CPA5: variants seen among roughly 807,000 people sequenced by gnomAD.
CPA5 encodes testicular tissue protein Li 32.
In CPA5, 38 loss-of-function variants were observed where a neutral mutation model predicts 52.2. That is an observed-to-expected ratio of 0.73 (90% CI 0.56 to 0.95). The LOEUF is 0.95. Ranked by LOEUF, CPA5 falls within the 40% of genes least tolerant of loss-of-function variation. The pLI, the probability that CPA5 is intolerant of heterozygous loss-of-function variation, is 0.00. For synonymous variants in CPA5, 198 were observed against 213.7 expected (o/e 0.93, Z 0.64); for missense variants, 519 against 566.7 (o/e 0.92, Z 0.86).
intron 7 of CPA5, among the ~76,000 whole-genome samples, 196 bp downstream of exon 7, chr7:130,361,440 T>G (rs576110896): frequency 1.3e-5 from 2 of 152,222 alleles, no homozygotes; most frequent in Admixed American, 1.3e-4. Flanking sequence ...GGTGACAGTG[T>G]GGTGACCTAG....
At chr7:130,371,374 G>C (rs1297678768), downstream of CPA5, among the ~76,000 whole-genome samples, 1 of 152,214 alleles carries the variant, frequency 6.6e-6, no homozygotes, top group Non-Finnish European at 1.5e-5. Flanking sequence ...AAGGCACACA[G>C]GTCCTGAGTG....
At chr7:130,358,748 T>C (rs922633586) in intron 5 of CPA5, among the ~76,000 whole-genome samples, 3 of 152,166 alleles carry the variant, frequency 2.0e-5, no homozygotes, top group African/African-American at 7.2e-5. Flanking sequence ...TGAAGGACAC[T>C]AGCTCATCTC....
intron 5 of CPA5, among the ~76,000 whole-genome samples, chr7:130,359,202 T>C (rs985429702): frequency 6.6e-5 from 10 of 152,292 alleles, no homozygotes; most frequent in African/African-American, 1.2e-4. Context: ...GCACCTTTTT[T>C]CCCCCAAAAA....
intron 8 of CPA5, 44 bp downstream of exon 8, chr7:130,362,583 G>GC (rs1195232947): frequency 1.5e-6 from 2 of 1,374,226 alleles, no homozygotes; most frequent in African/African-American, 2.8e-5. Flanking sequence ...GATGGGGGCT[G>GC]CAACTGGGGG....
intron 10 of CPA5, among the ~76,000 whole-genome samples, chr7:130,366,732 C>A (rs1554408513): frequency 6.6e-6 from 1 of 152,218 alleles, no homozygotes; most frequent in Non-Finnish European, 1.5e-5. Flanking sequence ...TCAGCTGACA[C>A]CGAGTCTGAG....
chr7:130,357,717 C>T (rs573205882), intron 5 of CPA5, among the ~76,000 whole-genome samples: 14 of 151,844 alleles, frequency 9.2e-5, no homozygotes, highest in Non-Finnish European at 2.1e-4. Context: ...AATCTGCCTT[C>T]TTCTATCTTA....
At chr7:130,365,192 C>T (rs1362519303) in intron 10 of CPA5, among the ~76,000 whole-genome samples, 1 of 152,192 alleles carries the variant, frequency 6.6e-6, no homozygotes, top group Non-Finnish European at 1.5e-5. Flanking sequence ...GGGGTTGTAA[C>T]TGCTTGTGTA....
chr7:130,368,758 C>A, downstream of CPA5: 1 of 687,514 alleles, frequency 1.5e-6, no homozygotes, highest in Non-Finnish European at 2.4e-6. Flanking sequence ...TGGCTACCAC[C>A]CCTATGGGCT....
At position 130,345,860 on chromosome 7, in the gene CPA5, C is replaced by G. The variant is rs1584779141; in HGVS notation, c.-130C>G. The G allele has an allele frequency of 6.6e-6, 1 of 152,344 alleles. No individual in the cohort carries two copies. The highest frequency in any genetic ancestry group is 1.9e-4 in the East Asian group (1 of 5,180). 9.4% of individuals were successfully genotyped at this position (152,344 alleles called of 1,614,324 possible). Reference sequence around the variant, plus strand: ...GCAGGCTTTACCAAGCCAATTCACTCAAGTTGTCTCATCTATACCCCTTCA... The same window carrying G: ...GCAGGCTTTACCAAGCCAATTCACTGAAGTTGTCTCATCTATACCCCTTCA... On this transcript the variant is annotated 5_prime_UTR_variant, in exon 2 of 13. Transcript: ENST00000474905.
At chr7:130,346,750 C>A in intron 3 of CPA5, 149 bp downstream of exon 3, 1 of 623,724 alleles carries the variant, frequency 1.6e-6, no homozygotes, top group Non-Finnish European at 2.8e-6. Context: ...AGCTCCACAG[C>A]CTCCCACTTT....
rs116312533 is a variant in CPA5 at position 130,356,252 on chromosome 7, C to T, written c.334-3337C>T. Among the ~76,000 whole-genome samples, 309 of 152,344 alleles carry T rather than the reference C, an allele frequency of 2.0e-3. 1 individual carries two copies. The highest frequency in any genetic ancestry group is 7.1e-3 in the African/African-American group (294 of 41,576). On this transcript the variant is annotated intron_variant, in intron 5 of 12. Coordinates refer to ENST00000474905, the MANE Select transcript of CPA5 (RefSeq NM_080385.5). ...CCCTGCTACCTCCTCCCCTGCCCAACCCGGGAGGACTGTTCTTCCCTTAGG... is the reference window on the plus strand; with the variant it reads ...CCCTGCTACCTCCTCCCCTGCCCAATCCGGGAGGACTGTTCTTCCCTTAGG...
intron 4 of CPA5, among the ~76,000 whole-genome samples, chr7:130,349,524 T>G (rs776340024): frequency 7.2e-5 from 11 of 152,154 alleles, no homozygotes; most frequent in Non-Finnish European, 1.3e-4. Context: ...GGGTGACTAT[T>G]GTCAATAATA....
chr7:130,370,367 A>G (rs1471885072), downstream of CPA5, among the ~76,000 whole-genome samples: 1 of 152,094 alleles, frequency 6.6e-6, no homozygotes, highest in Non-Finnish European at 1.5e-5. Context: ...GGTCTGAGTG[A>G]GCTAGAATTT....
Position 130,362,950 on chromosome 7 carries a change from G to C in CPA5, c.703G>C (p.Glu235Gln). 1.2e-6 allele frequency: 2 copies of C among 1,613,924 alleles called. No homozygotes were observed. Among genetic ancestry groups the C allele is most frequent in the Non-Finnish European group, 1.7e-6 (2 of 1,179,890 alleles). ...DILNAMDIFI[E>Q]LVTNPDGFAF... ...ACTGAATGCCATGGACATCTTCATA[G>C]AGCTCGTCACAAACCCTGATGGGTT... The change falls in exon 9 of 13, where the codon GAG becomes CAG. Residue 235 changes from glutamate to glutamine, a missense_variant. Coordinates refer to ENST00000474905, the MANE Select transcript of CPA5 (RefSeq NM_080385.5).
intron 5 of CPA5, among the ~76,000 whole-genome samples, chr7:130,352,477 G>A (rs541021111): frequency 1.3e-5 from 2 of 151,858 alleles, no homozygotes; most frequent in Non-Finnish European, 2.9e-5. Context: ...CTGAGAAGGC[G>A]GTAATTACGG....
In CPA5 at chr7:130,362,476, T is replaced by C. The variant is rs1544705; in HGVS notation, c.573T>C (p.Ile191=). ...GTTCTCGGCACCCAGCCATCTGGAT[T>C]GACACTGGAATTCACTCCCGGGAGT... ...TGGSRHPAIW[I]DTGIHSREWI... is the part of the protein sequence containing the mutation. The change falls in exon 8 of 13, where the codon ATT becomes ATC. Residue 191 remains isoleucine, a synonymous_variant. Coordinates refer to ENST00000474905, the MANE Select transcript of CPA5 (RefSeq NM_080385.5). The C allele has an allele frequency of 0.82, 1,329,703 of 1,612,634 alleles. 555,349 individuals are homozygous for C. Among genetic ancestry groups the C allele is most frequent in the East Asian group, 0.98 (43,794 of 44,832 alleles).
At chr7:130,354,063 G>A (rs1554404662) in intron 5 of CPA5, among the ~76,000 whole-genome samples, 1 of 151,248 alleles carries the variant, frequency 6.6e-6, no homozygotes, top group African/African-American at 2.4e-5. Flanking sequence ...CAGGCCCTGG[G>A]ACTACAGGCC....
chr7:130,349,315 T>C (rs975246478), intron 4 of CPA5, among the ~76,000 whole-genome samples: 1 of 152,062 alleles, frequency 6.6e-6, no homozygotes, highest in South Asian at 2.1e-4. Flanking sequence ...GCACCTGTAG[T>C]TCCAGCTACT....
chr7:130,352,498 A>G (rs1554404196), intron 5 of CPA5, among the ~76,000 whole-genome samples: 1 of 150,758 alleles, frequency 6.6e-6, no homozygotes, highest in Non-Finnish European at 1.5e-5. Flanking sequence ...TGCGCTGAAG[A>G]GCAGGTGAGG....
Sources: gnomAD v4.1 joint callset for allele counts (sites outside exome capture counted in the v4.1 genomes callset) on GRCh38, gnomAD v4.1.1 for gene constraint, MANE v1.5 for transcripts, NCBI Gene and HGNC (gene_info 2026-07-23, HGNC 2026-07-21) for gene names.